The following CTNNA3 variants were observed in gnomAD, a reference collection of about 807,000 sequenced individuals.
The protein encoded by CTNNA3 is catenin alpha-3.
Under a neutral mutation model 95.7 loss-of-function variants are expected in CTNNA3, and 76 were observed. The observed-to-expected ratio is 0.79, with a 90% CI of 0.66 to 0.96. CTNNA3 has a LOEUF of 0.96. Among genes scored for constraint, CTNNA3 ranks in the 40% least tolerant of loss-of-function variants. CTNNA3 has a pLI of 0.00. For missense variants in CTNNA3, 1,191 were observed against 1,089.8 expected, an observed-to-expected ratio of 1.09 and a Z score of -1.31; for synonymous variants, 431 against 374.4, an observed-to-expected ratio of 1.15 and a Z score of -1.74.
Position 66,185,818 on chromosome 10 carries a change from T to A in CTNNA3, c.1885-82569A>T, listed in dbSNP as rs193289008. On this transcript the variant is annotated intron_variant, in intron 13 of 17. Transcript: ENST00000433211. The stretch of plus-strand genomic sequence containing the variant: ...TTTTGAAGGGTAGTTGTGGATTTTT[T>A]AAAATGTCTTATCTAATATTTAGAT... Among the ~76,000 whole-genome samples the A allele has an allele frequency of 5.7e-3, 872 of 152,120 alleles. 9 individuals are homozygous for A. Among genetic ancestry groups the A allele is most frequent in the African/African-American group, 0.02 (845 of 41,542 alleles).
At chr10:66,832,733 C>G (rs1842762628) in intron 7 of CTNNA3, among the ~76,000 whole-genome samples, 2 of 152,026 alleles carry the variant, frequency 1.3e-5, no homozygotes, top group African/African-American at 2.4e-5. Flanking sequence ...CTAAACTTCT[C>G]ATTTTAAAGG....
At chr10:67,522,720 A>ATAC (rs1840024333) in intron 4 of CTNNA3, among the ~76,000 whole-genome samples, 1 of 151,778 alleles carries the variant, frequency 6.6e-6, no homozygotes, top group South Asian at 2.1e-4. Context: ...GAACCACAGA[A>ATAC]TACTGTCTGC....
At chr10:66,454,116 A>G (rs750928319) in intron 11 of CTNNA3, among the ~76,000 whole-genome samples, 1 of 152,184 alleles carries the variant, frequency 6.6e-6, no homozygotes, top group Non-Finnish European at 1.5e-5. Context: ...GCCAAGAGCC[A>G]AGGAGCACAC....
chr10:66,006,114 A>C (rs986181780), intron 15 of CTNNA3, among the ~76,000 whole-genome samples: 8 of 147,376 alleles, frequency 5.4e-5, no homozygotes, highest in African/African-American at 2.0e-4. Context: ...CTGGGTTCAC[A>C]CCATTCTCCT....
intron 5 of CTNNA3, among the ~76,000 whole-genome samples, chr10:67,360,489 G>C (rs1463919980): frequency 6.6e-6 from 1 of 151,730 alleles, no homozygotes; most frequent in African/African-American, 2.4e-5. Flanking sequence ...ACAGCCATAG[G>C]GGCAAAGTAA....
intron 7 of CTNNA3, among the ~76,000 whole-genome samples, chr10:67,089,678 C>T (rs1437471143): frequency 3.3e-5 from 5 of 150,226 alleles, no homozygotes. Context: ...TATAGTTAGT[C>T]GAATCAGCCA....
intron 9 of CTNNA3, among the ~76,000 whole-genome samples, chr10:66,712,991 G>A (rs1443936264): frequency 6.6e-6 from 1 of 152,046 alleles, no homozygotes; most frequent in African/African-American, 2.4e-5. Context: ...GGAAAGCTGG[G>A]TGCTTCTGTG....
At chr10:67,563,286 A>G (rs1040394572) in intron 3 of CTNNA3, among the ~76,000 whole-genome samples, 2 of 152,304 alleles carry the variant, frequency 1.3e-5, no homozygotes, top group Admixed American at 1.3e-4. Context: ...TGGTACCAAA[A>G]CAGAGATATC....
chr10:67,445,205 C>A (rs1424207066), intron 5 of CTNNA3, among the ~76,000 whole-genome samples: 1 of 151,052 alleles, frequency 6.6e-6, no homozygotes, highest in Non-Finnish European at 1.5e-5. Context: ...ACAACAAATA[C>A]ACACACAAAA....
intron 10 of CTNNA3, among the ~76,000 whole-genome samples, chr10:66,618,564 A>G (rs1844617477): frequency 6.6e-6 from 1 of 152,174 alleles, no homozygotes. Context: ...TTAATTCAAG[A>G]AGGATTAAAG....
rs968190531 is a variant in CTNNA3 at position 65,938,207 on chromosome 10, T to C, written c.2401-17590A>G. Among the ~76,000 whole-genome samples, 6 of 152,124 alleles carry C rather than the reference T, an allele frequency of 3.9e-5. No homozygotes were observed. The East Asian group carries it at 1.2e-3, about 29-fold the overall frequency. On this transcript the variant is annotated intron_variant, in intron 17 of 17. Coordinates refer to ENST00000433211, the MANE Select transcript of CTNNA3 (RefSeq NM_013266.4). Reference sequence around the variant, plus strand: ...ATTAGGTAGATATTGTATCCTGGAGTATTTGATTCCGTTGATACTAGAATC... The same window carrying C: ...ATTAGGTAGATATTGTATCCTGGAGCATTTGATTCCGTTGATACTAGAATC...
At chr10:67,607,908 G>A (rs1344855729) in intron 2 of CTNNA3, among the ~76,000 whole-genome samples, 2 of 152,204 alleles carry the variant, frequency 1.3e-5, no homozygotes, top group African/African-American at 2.4e-5. Context: ...GAAAAGAAAT[G>A]CATTTCATGC....
intron 6 of CTNNA3, among the ~76,000 whole-genome samples, chr10:67,182,057 A>G (rs1474959670): frequency 6.6e-6 from 1 of 152,180 alleles, no homozygotes; most frequent in Non-Finnish European, 1.5e-5. Context: ...AAACAAATGG[A>G]AGAACTTTCC....
chr10:66,172,016 A>G (rs151289880), intron 13 of CTNNA3, among the ~76,000 whole-genome samples: 77 of 152,310 alleles, frequency 5.1e-4, no homozygotes, highest in African/African-American at 1.8e-3. Context: ...GGCAAAGAGC[A>G]AGTATGCTCA....
At chr10:66,550,329 T>C (rs1842176548) in intron 10 of CTNNA3, among the ~76,000 whole-genome samples, 1 of 152,204 alleles carries the variant, frequency 6.6e-6, no homozygotes. Flanking sequence ...ATCTGTATCT[T>C]TATACTTGAA....
chr10:66,555,740 C>T (rs1472289599), intron 10 of CTNNA3, among the ~76,000 whole-genome samples: 2 of 151,908 alleles, frequency 1.3e-5, no homozygotes, highest in Non-Finnish European at 2.9e-5. Flanking sequence ...GCTAATATTC[C>T]ATTTTCTTGG....
At chr10:66,710,183 G>A (rs567577769) in intron 9 of CTNNA3, among the ~76,000 whole-genome samples, 1 of 152,274 alleles carries the variant, frequency 6.6e-6, no homozygotes, top group South Asian at 2.1e-4. Flanking sequence ...GGCAAATCCA[G>A]TGTGGAAGAT....
chr10:67,633,351 T>C (rs4520484), intron 2 of CTNNA3, among the ~76,000 whole-genome samples: 20,208 of 152,096 alleles, frequency 0.13, 2,416 homozygotes, highest in African/African-American at 0.32. Flanking sequence ...GAAGGATCCC[T>C]CACTCCCCGC....
chr10:67,047,551 A>C (rs1224923405), intron 7 of CTNNA3, among the ~76,000 whole-genome samples: 1 of 152,172 alleles, frequency 6.6e-6, no homozygotes, highest in African/African-American at 2.4e-5. Context: ...CTGACCACTT[A>C]TCTACCAAAT....
Sources: allele counts gnomAD v4.1 joint callset (sites outside exome capture counted in the v4.1 genomes callset), GRCh38; gene constraint gnomAD v4.1.1; transcripts MANE v1.5; gene names NCBI Gene and HGNC (gene_info 2026-07-23, HGNC 2026-07-21).